CFAP20DC: variants seen among roughly 807,000 people sequenced by gnomAD.
CFAP20DC encodes protein CFAP20DC.
Under a neutral mutation model 101.7 loss-of-function variants are expected in CFAP20DC, and 84 were observed. The observed-to-expected ratio is 0.83, with a 90% CI of 0.69 to 0.99. The LOEUF (loss-of-function observed/expected upper bound fraction) is 0.99. Ranked by LOEUF, CFAP20DC falls within the 50% of genes least tolerant of loss-of-function variation. The pLI, the probability that CFAP20DC is intolerant of heterozygous loss-of-function variation, is 0.00. For synonymous variants in CFAP20DC, 359 were observed against 351.2 expected, an observed-to-expected ratio of 1.02 and a Z score of -0.25; for missense variants, 1,007 against 970.3, an observed-to-expected ratio of 1.04 and a Z score of -0.50.
intron 14 of CFAP20DC, among the ~76,000 whole-genome samples, chr3:58,807,438 C>T (rs1031284313): frequency 9.9e-5 from 15 of 152,196 alleles, no homozygotes; most frequent in African/African-American, 1.7e-4. Flanking sequence ...GCCACCGCTG[C>T]GGATACCCAG....
intron 3 of CFAP20DC, among the ~76,000 whole-genome samples, chr3:59,044,987 GACACACACAC>G (rs57196071): frequency 1.3e-4 from 18 of 139,932 alleles, no homozygotes; most frequent in Admixed American, 4.3e-4. Flanking sequence ...TCCTATTACA[GACACACACAC>G]ACACACACAC....
intron 4 of CFAP20DC, among the ~76,000 whole-genome samples, chr3:59,011,103 A>G (rs953612942): frequency 5.3e-5 from 8 of 152,206 alleles, no homozygotes; most frequent in African/African-American, 1.9e-4. Flanking sequence ...CCTGCATCAA[A>G]AAGTCTGAAT....
At chr3:59,017,452 G>T (rs984014053) in intron 4 of CFAP20DC, 2 of 152,034 alleles carry the variant, frequency 1.3e-5, no homozygotes, top group African/African-American at 4.8e-5. Context: ...CACAACTTTC[G>T]CAACTTTACT....
intron 3 of CFAP20DC, among the ~76,000 whole-genome samples, chr3:58,730,293 T>A (rs1262435375): frequency 6.6e-6 from 1 of 152,236 alleles, no homozygotes; most frequent in African/African-American, 2.4e-5. Flanking sequence ...ATTAACTTGA[T>A]TAATCATTCC....
chr3:58,975,799 C>CT (rs538161491), intron 4 of CFAP20DC, among the ~76,000 whole-genome samples: 412 of 147,198 alleles, frequency 2.8e-3, no homozygotes, highest in Non-Finnish European at 3.4e-3. Flanking sequence ...ATCTTTTTTC[C>CT]TTTTTTTTTT....
chr3:58,812,524 G>A (rs2074740041), intron 14 of CFAP20DC, among the ~76,000 whole-genome samples: 1 of 151,334 alleles, frequency 6.6e-6, no homozygotes. Context: ...ATGGACACAG[G>A]AAGGGGAACA....
intron 14 of CFAP20DC, among the ~76,000 whole-genome samples, chr3:58,812,871 T>C (rs921276663): frequency 1.3e-5 from 2 of 151,892 alleles, no homozygotes; most frequent in Non-Finnish European, 2.9e-5. Flanking sequence ...AGTTCATGTA[T>C]TGAAATTTTC....
At chr3:58,948,170 G>T (rs568606568) in intron 4 of CFAP20DC, among the ~76,000 whole-genome samples, 93 of 152,350 alleles carry the variant, frequency 6.1e-4, no homozygotes, top group African/African-American at 2.2e-3. Context: ...CACTGGAGTG[G>T]ACTGCCACAA....
intron 15 of CFAP20DC, among the ~76,000 whole-genome samples, chr3:58,755,209 T>C (rs1437632598): frequency 6.6e-6 from 1 of 152,166 alleles, no homozygotes; most frequent in Non-Finnish European, 1.5e-5. Flanking sequence ...ACCACAGCTA[T>C]CACTACATTG....
In CFAP20DC at chr3:58,728,634, CAGA is replaced by C. The variant is rs2067590469; in HGVS notation, c.198-11009_198-11007del. On this transcript the variant is annotated intron_variant, in intron 3 of 3. Coordinates refer to the CFAP20DC transcript ENST00000486145. This position sits in a 1 kb window ranked among gnomAD's most constrained non-coding sequence, Gnocchi z 4.7. The stretch of plus-strand genomic sequence containing the variant: ...CTTAAAAACATAAATGAATGAATGT[CAGA>C]GTTCCATTCATTTTAGGCTGATTGT... Among the ~76,000 whole-genome samples the C allele has an allele frequency of 1.3e-5, 2 of 152,302 alleles. No individual in the cohort carries two copies. The highest frequency in any genetic ancestry group is 4.8e-5 in the African/African-American group (2 of 41,556).
intron 3 of CFAP20DC, among the ~76,000 whole-genome samples, chr3:59,045,325 A>C (rs1699764667): frequency 4.6e-5 from 7 of 152,086 alleles, no homozygotes. Flanking sequence ...AGCTTCATGC[A>C]TGGTAGGTAT....
chr3:58,987,007 T>C (rs932929051), intron 4 of CFAP20DC, among the ~76,000 whole-genome samples: 1 of 151,986 alleles, frequency 6.6e-6, no homozygotes, highest in African/African-American at 2.4e-5. Flanking sequence ...ACAACAAATT[T>C]GAAAAAGAGC....
At chr3:58,879,468 T>G (rs2081054380) in intron 7 of CFAP20DC, among the ~76,000 whole-genome samples, 1 of 152,214 alleles carries the variant, frequency 6.6e-6, no homozygotes, top group Non-Finnish European at 1.5e-5. Flanking sequence ...GATGATTTAT[T>G]GCTAAATACC....
intron 4 of CFAP20DC, among the ~76,000 whole-genome samples, chr3:58,984,560 C>G (rs555535913): frequency 2.0e-5 from 3 of 152,268 alleles, no homozygotes; most frequent in Admixed American, 6.5e-5. Context: ...AATTAGCTTA[C>G]AGTTGAGAAG....
chr3:58,999,121 A>G (rs1322546064), intron 4 of CFAP20DC, among the ~76,000 whole-genome samples: 1 of 152,228 alleles, frequency 6.6e-6, no homozygotes, highest in Non-Finnish European at 1.5e-5. Context: ...CAGTCCTGGT[A>G]TTTAAATGTG....
intron 3 of CFAP20DC, among the ~76,000 whole-genome samples, chr3:58,736,564 T>C (rs1210841423): frequency 6.6e-6 from 1 of 152,226 alleles, no homozygotes; most frequent in Non-Finnish European, 1.5e-5. Context: ...TACTCTCATA[T>C]AATTTTGCTT....
intron 14 of CFAP20DC, among the ~76,000 whole-genome samples, chr3:58,812,857 T>A (rs912395886): frequency 6.6e-6 from 1 of 151,880 alleles, no homozygotes; most frequent in Non-Finnish European, 1.5e-5. Flanking sequence ...TATGATGTAA[T>A]TAAAGTTCAT....
At chr3:58,842,845 G>A (rs2077261929) in intron 13 of CFAP20DC, among the ~76,000 whole-genome samples, 2 of 152,206 alleles carry the variant, frequency 1.3e-5, no homozygotes, top group South Asian at 4.1e-4. Context: ...CCTCAAGTGG[G>A]TCCCTGACCC....
chr3:58,789,833 T>G (rs1447505388), intron 15 of CFAP20DC, among the ~76,000 whole-genome samples: 2 of 152,132 alleles, frequency 1.3e-5, no homozygotes, highest in Non-Finnish European at 2.9e-5. Context: ...AGGAAATAAT[T>G]TACTCAAATC....
Sources: allele counts gnomAD v4.1 joint callset (sites outside exome capture counted in the v4.1 genomes callset), GRCh38; gene constraint gnomAD v4.1.1; non-coding constraint Gnocchi (gnomAD v3.1); transcripts MANE v1.5; gene names NCBI Gene and HGNC (gene_info 2026-07-23, HGNC 2026-07-21).